The following SCML4 variants were observed in gnomAD, a reference collection of about 807,000 sequenced individuals.
SCML4 encodes the protein Scm polycomb group protein like 4, also known as sex comb on midleg-like protein 4.
A neutral mutation model predicts 41.1 loss-of-function variants in SCML4; 34 were observed. That is an observed-to-expected ratio of 0.83 (90% CI 0.63 to 1.10). The LOEUF is 1.10. SCML4 is among the 50% of genes least tolerant of loss of function. The pLI is 0.00. For missense variants in SCML4, 522 were observed against 534.1 expected (o/e 0.98, Z 0.22); for synonymous variants, 214 against 220.9 (o/e 0.97, Z 0.28).
the SCML4 span, among the ~76,000 whole-genome samples, chr6:107,835,590 A>T: frequency 4.6e-5 from 7 of 151,794 alleles, no homozygotes; most frequent in Admixed American, 6.6e-5. Context: ...AAATCAAAAA[A>T]ATTATCTGGG....
intron 3 of SCML4, among the ~76,000 whole-genome samples, chr6:107,748,541 G>T (rs1778337228): frequency 6.6e-6 from 1 of 152,180 alleles, no homozygotes; most frequent in Non-Finnish European, 1.5e-5. Flanking sequence ...TGATGCAAAG[G>T]AATTTGGATC....
chr6:107,734,923 T>C (rs947849533), intron 5 of SCML4, among the ~76,000 whole-genome samples: 9 of 152,302 alleles, frequency 5.9e-5, no homozygotes, highest in African/African-American at 2.2e-4. Context: ...TCACCTAGGC[T>C]GGAATGCAGT....
intron 5 of SCML4, among the ~76,000 whole-genome samples, chr6:107,738,040 G>A (rs1777240378): frequency 6.6e-6 from 1 of 152,100 alleles, no homozygotes; most frequent in South Asian, 2.1e-4. Context: ...GAGAAGCACT[G>A]GCTAAAGCAT....
intron 6 of SCML4, among the ~76,000 whole-genome samples, chr6:107,709,546 C>G (rs78419342): frequency 0.01 from 1,584 of 152,320 alleles, 20 homozygotes; most frequent in African/African-American, 0.037. Flanking sequence ...GAATGTCTCC[C>G]CAGCTTCCTT....
chr6:107,716,986 C>T (rs1177376567), intron 6 of SCML4, among the ~76,000 whole-genome samples: 1 of 151,822 alleles, frequency 6.6e-6, no homozygotes, highest in Non-Finnish European at 1.5e-5. Flanking sequence ...ATTTAGCACC[C>T]TGAGGAAGGC....
intron 1 of SCML4, among the ~76,000 whole-genome samples, chr6:107,785,984 T>C (rs1276388113): frequency 6.6e-6 from 1 of 152,164 alleles, no homozygotes; most frequent in African/African-American, 2.4e-5. Flanking sequence ...GCTCCCATTT[T>C]GCTACCAACC....
chr6:107,714,823 A>G (rs1166332499), intron 6 of SCML4, among the ~76,000 whole-genome samples: 1 of 151,612 alleles, frequency 6.6e-6, no homozygotes, highest in Admixed American at 6.6e-5. Flanking sequence ...ATAAATGGCC[A>G]GTAGATTTGT....
chr6:107,828,351 T>TA (rs1447526689), upstream of SCML4, among the ~76,000 whole-genome samples: 1 of 152,242 alleles, frequency 6.6e-6, no homozygotes, highest in East Asian at 1.9e-4. Flanking sequence ...TGTGGTCACT[T>TA]ATGGCTCTGA....
intron 5 of SCML4, among the ~76,000 whole-genome samples, chr6:107,734,329 A>T (rs1776845527): frequency 6.6e-6 from 1 of 152,194 alleles, no homozygotes; most frequent in African/African-American, 2.4e-5. Flanking sequence ...TTCTACCAAA[A>T]TTTTATCAAA....
At chr6:107,734,654 G>T (rs1173721686) in intron 5 of SCML4, among the ~76,000 whole-genome samples, 1 of 152,128 alleles carries the variant, frequency 6.6e-6, no homozygotes, top group Non-Finnish European at 1.5e-5. Flanking sequence ...ATAATTTAAT[G>T]AAAGATATCA....
chr6:107,713,709 G>A (rs1774459368), intron 6 of SCML4, among the ~76,000 whole-genome samples: 1 of 152,226 alleles, frequency 6.6e-6, no homozygotes, highest in South Asian at 2.1e-4. Context: ...TCCTCAGGCT[G>A]CCTGTGAGCT....
At chr6:107,746,918 G>T in intron 3 of SCML4, 29 bp from the exon 4 acceptor site, 1 of 1,583,172 alleles carries the variant, frequency 6.3e-7, no homozygotes, top group Non-Finnish European at 8.6e-7. Context: ...CAAAGCCCTC[G>T]GCATCAGGCG....
chr6:107,777,578 A>G (rs1364798550), intron 1 of SCML4, among the ~76,000 whole-genome samples: 1 of 152,218 alleles, frequency 6.6e-6, no homozygotes, highest in African/African-American at 2.4e-5. Flanking sequence ...TTCTTGAGCC[A>G]CAGAACTTCA....
chr6:107,730,443 A>G lies in SCML4; in HGVS notation c.683-9450T>C, dbSNP rs534850489. Among the ~76,000 whole-genome samples, 7 of 152,350 alleles carry G rather than the reference A, an allele frequency of 4.6e-5. No homozygotes were observed. In the East Asian group the frequency reaches 1.3e-3, roughly 29 times the overall value. ...AAGAGGCTCCAACCCAGCCTGTGTG[A>G]GGCCATTTAATTGCAGTGGAGAATG... On this transcript the variant is annotated intron_variant, in intron 5 of 7. Coordinates refer to ENST00000369020, the MANE Select transcript of SCML4 (RefSeq NM_198081.5).
chr6:107,769,074 T>C (rs1377210621), intron 2 of SCML4, among the ~76,000 whole-genome samples: 2 of 152,182 alleles, frequency 1.3e-5, no homozygotes, highest in Admixed American at 6.5e-5. Context: ...AATGGAGAGG[T>C]AAATGCTCTG....
rs755393210 is a variant in SCML4 at position 107,746,811 on chromosome 6, A to C, written c.365T>G (p.Phe122Cys). The change falls in exon 4 of 8, where the codon TTT becomes TGT. Residue 122 changes from phenylalanine (F) to cysteine (C), a missense_variant. Physicochemically the swap from Phe to Cys is radical, Grantham distance 205. Transcript: ENST00000369020. Reference protein sequence around the residue: ...RKKVQQLPEHFGPERPSAVLQ... With the variant: ...RKKVQQLPEHCGPERPSAVLQ... ...CACCGCCGATGGCCGCTCGGGCCCA[A>C]AATGCTCCGGGAGCTGCTGCACCTT... is the stretch of plus-strand genomic sequence containing the variant. 5.6e-6 allele frequency: 9 copies of C among 1,613,962 alleles called. No individual in the cohort carries two copies. In the Admixed American group the frequency reaches 1.2e-4, roughly 21 times the overall value.
chr6:107,758,575 G>A (rs926978618), intron 2 of SCML4, among the ~76,000 whole-genome samples: 8 of 152,204 alleles, frequency 5.3e-5, no homozygotes, highest in African/African-American at 1.9e-4. Flanking sequence ...CTGCATTAGG[G>A]TTGGTCTTAA....
intron 1 of SCML4, among the ~76,000 whole-genome samples, chr6:107,796,725 C>T (rs1233854494): frequency 6.6e-6 from 1 of 152,138 alleles, no homozygotes; most frequent in African/African-American, 2.4e-5. Flanking sequence ...ACCCCAAGAT[C>T]ATGAAGATAT....
chr6:107,720,145 C>A (rs759177988), intron 6 of SCML4: 6 of 976,118 alleles, frequency 6.1e-6, no homozygotes, highest in Non-Finnish European at 7.3e-6. Flanking sequence ...TCTGGTTCTC[C>A]TTTCTCCTGG....
Sources: allele counts gnomAD v4.1 joint callset (sites outside exome capture counted in the v4.1 genomes callset), GRCh38; gene constraint gnomAD v4.1.1; transcripts MANE v1.5; gene names NCBI Gene and HGNC (gene_info 2026-07-23, HGNC 2026-07-21).